Variants in ADGRL3 observed in about 807,000 individuals in gnomAD.
ADGRL3 encodes calcium-independent alpha-latrotoxin receptor 3.
A neutral mutation model predicts 153.5 loss-of-function variants in ADGRL3; 62 were observed. That is an observed-to-expected ratio of 0.40 (90% CI 0.33 to 0.50). ADGRL3 has a LOEUF of 0.50. ADGRL3 is among the 20% of genes least tolerant of loss of function. The pLI, the probability that ADGRL3 is intolerant of heterozygous loss-of-function variation, is 0.47. For missense variants in ADGRL3, 1,641 were observed against 1,859.4 expected (o/e 0.88, Z 2.16); for synonymous variants, 710 against 672.5 (o/e 1.06, Z -0.86).
intron 8 of ADGRL3, among the ~76,000 whole-genome samples, chr4:61,744,052 G>T (rs1248013496): frequency 6.6e-6 from 1 of 152,168 alleles, no homozygotes; most frequent in East Asian, 1.9e-4. Context: ...GGCACACCAG[G>T]AGATTATATC....
rs1299877789 is a variant in ADGRL3, at chr4:61,202,415, C to G, written c.-240+650C>G. Among the ~76,000 whole-genome samples, 2 of 152,176 alleles carry G rather than the reference C, an allele frequency of 1.3e-5. No individual in the cohort carries two copies. The highest frequency in any genetic ancestry group is 3.9e-4 in the East Asian group (2 of 5,160). Reference sequence around the variant, plus strand: ...TCCTTCACGGCAGTTTGGTTTAGACCTGCGTGCCCAGGCTTTGTTAGGCGG... The same window carrying G: ...TCCTTCACGGCAGTTTGGTTTAGACGTGCGTGCCCAGGCTTTGTTAGGCGG... On this transcript the variant is annotated intron_variant, in intron 1 of 26. Transcript: ENST00000683033. The surrounding 1 kb of genome is among the most constrained non-coding windows in gnomAD (Gnocchi z 5.0).
At chr4:61,939,446 G>A (rs1430000958) in intron 15 of ADGRL3, among the ~76,000 whole-genome samples, 4 of 149,716 alleles carry the variant, frequency 2.7e-5, no homozygotes, top group Non-Finnish European at 5.9e-5. Flanking sequence ...TACTATTTCT[G>A]TAGACAAAAT....
intron 8 of ADGRL3, among the ~76,000 whole-genome samples, chr4:61,813,374 A>G (rs1335644215): frequency 6.6e-6 from 1 of 152,224 alleles, no homozygotes; most frequent in South Asian, 2.1e-4. Flanking sequence ...AGCCTGGGCA[A>G]TGAGCAAGAT....
chr4:61,441,060 A>T (rs1439623296), intron 2 of ADGRL3, among the ~76,000 whole-genome samples: 4 of 151,906 alleles, frequency 2.6e-5, no homozygotes, highest in African/African-American at 9.7e-5. Flanking sequence ...ATCCTTTCTT[A>T]CTCTTGTCAA....
intron 5 of ADGRL3, among the ~76,000 whole-genome samples, chr4:61,643,804 A>G (rs1369385454): frequency 6.9e-6 from 1 of 145,750 alleles, no homozygotes; most frequent in African/African-American, 2.6e-5. Flanking sequence ...CTGGCCTCAT[A>G]AAATGAGTTA....
chr4:61,371,662 C>T (rs185871718), intron 1 of ADGRL3, among the ~76,000 whole-genome samples: 1 of 152,152 alleles, frequency 6.6e-6, no homozygotes. Flanking sequence ...CTACCCTTAA[C>T]ATTTTTTCCT....
chr4:61,361,992 A>G (rs2096289816), intron 1 of ADGRL3, among the ~76,000 whole-genome samples: 1 of 148,896 alleles, frequency 6.7e-6, no homozygotes, highest in Non-Finnish European at 1.5e-5. Flanking sequence ...AAAAATATAT[A>G]TATAAATACA....
intron 1 of ADGRL3, among the ~76,000 whole-genome samples, chr4:61,313,641 C>T (rs1190284628): frequency 6.6e-6 from 1 of 152,076 alleles, no homozygotes; most frequent in African/African-American, 2.4e-5. Flanking sequence ...AAGTTAAGTT[C>T]CTACAGCATA....
At chr4:61,690,800 G>T (rs956905804) in intron 6 of ADGRL3, among the ~76,000 whole-genome samples, 12 of 152,090 alleles carry the variant, frequency 7.9e-5, no homozygotes, top group African/African-American at 2.7e-4. Flanking sequence ...AACTTTTAAT[G>T]GCAGTGTTTG....
At chr4:61,830,004 CA>C (rs35986469) in intron 9 of ADGRL3, among the ~76,000 whole-genome samples, 57 of 146,106 alleles carry the variant, frequency 3.9e-4, no homozygotes, top group South Asian at 1.1e-3. Context: ...CCCATCTCTA[CA>C]AAAAAAAAAA....
chr4:61,907,407 C>T (rs548658385), intron 11 of ADGRL3, among the ~76,000 whole-genome samples: 84 of 151,888 alleles, frequency 5.5e-4, no homozygotes, highest in African/African-American at 1.6e-3. Context: ...TACAGGCATG[C>T]GCCACCATGC....
At chr4:61,414,360 T>G (rs1435529981) in intron 2 of ADGRL3, among the ~76,000 whole-genome samples, 1 of 152,142 alleles carries the variant, frequency 6.6e-6, no homozygotes, top group Non-Finnish European at 1.5e-5. Context: ...AGAGAAAAAT[T>G]TCCTACTACT....
intron 21 of ADGRL3, among the ~76,000 whole-genome samples, chr4:62,016,785 G>T (rs746775260): frequency 6.6e-6 from 1 of 151,798 alleles, no homozygotes; most frequent in Non-Finnish European, 1.5e-5. Flanking sequence ...GTAATAACTG[G>T]TATCTTTATG....
At chr4:61,208,565 AGT>A in intron 1 of ADGRL3, among the ~76,000 whole-genome samples, 1 of 152,312 alleles carries the variant, frequency 6.6e-6, no homozygotes, top group Non-Finnish European at 1.5e-5. Context: ...TTAAAATGTT[AGT>A]AAATTTTAAA....
rs142993361 is a variant in ADGRL3, at chr4:61,359,182, T to C, written c.-239-23942T>C. Reference sequence around the variant, plus strand: ...TCTCACTGCTTATGCTGCTGATACTTTGCAACCAAACGACCCTCATTACTC... The same window carrying C: ...TCTCACTGCTTATGCTGCTGATACTCTGCAACCAAACGACCCTCATTACTC... On this transcript the variant is annotated intron_variant, in intron 1 of 26. Coordinates refer to ENST00000683033, the MANE Select transcript of ADGRL3 (RefSeq NM_001387552.1). Among the ~76,000 whole-genome samples the C allele has an allele frequency of 5.0e-3, 759 of 152,288 alleles. 1 individual carries two copies. The highest frequency in any genetic ancestry group is 8.4e-3 in the Non-Finnish European group (573 of 68,016).
Position 61,892,637 on chromosome 4 carries a change from C to CT in ADGRL3, c.1481-16dup, listed in dbSNP as rs766634712. 2.9e-5 allele frequency: 46 copies of CT among 1,604,306 alleles called. No homozygotes were observed. Among genetic ancestry groups the CT allele is most frequent in the Middle Eastern group, 1.7e-4 (1 of 6,044 alleles). On this transcript the variant is annotated intron_variant, in intron 9 of 26. Coordinates refer to ENST00000683033, the MANE Select transcript of ADGRL3 (RefSeq NM_001387552.1). The stretch of plus-strand genomic sequence containing the variant: ...TGTGAACAAGCAATGTAGGTGTTTT[C>CT]TTTCTAATTTTATTTCAGATATCTC...
At chr4:61,654,479 A>G (rs1029119535) in intron 5 of ADGRL3, among the ~76,000 whole-genome samples, 6 of 152,058 alleles carry the variant, frequency 3.9e-5, no homozygotes, top group Non-Finnish European at 8.8e-5. Flanking sequence ...CTTTAAATTA[A>G]ATGTTAAAAG....
intron 9 of ADGRL3, among the ~76,000 whole-genome samples, chr4:61,869,991 GGAGAGAGAGAGAGA>G (rs1178772578): frequency 1.2e-5 from 1 of 80,934 alleles, no homozygotes; most frequent in East Asian, 3.1e-4. Context: ...AGAGAGAGAG[GGAGAGAGAGAGAGA>G]GAGAGAAAGG....
chr4:61,782,007 G>A (rs2097219197), intron 8 of ADGRL3, among the ~76,000 whole-genome samples: 2 of 152,104 alleles, frequency 1.3e-5, no homozygotes, highest in Non-Finnish European at 2.9e-5. Context: ...GACCTTAAAT[G>A]AATTACAGTG....
Sources: gnomAD v4.1 joint callset for allele counts (sites outside exome capture counted in the v4.1 genomes callset) on GRCh38, gnomAD v4.1.1 for gene constraint, Gnocchi (gnomAD v3.1) non-coding constraint, MANE v1.5 for transcripts, NCBI Gene and HGNC (gene_info 2026-07-23, HGNC 2026-07-21) for gene names.